The following OPA1 variants were observed in gnomAD, a reference collection of about 807,000 sequenced individuals.
OPA1 encodes the protein dynamin-like GTPase OPA1, mitochondrial.
In OPA1, 59 loss-of-function variants were observed where a neutral mutation model predicts 152.9. That is an observed-to-expected ratio of 0.39 (90% CI 0.31 to 0.48). The LOEUF is 0.48. Ranked by LOEUF, OPA1 falls within the 20% of genes least tolerant of loss-of-function variation. The pLI, the probability that OPA1 is intolerant of heterozygous loss-of-function variation, is 0.96. For synonymous variants in OPA1, 400 were observed against 389.9 expected, an observed-to-expected ratio of 1.03 and a Z score of -0.31; for missense variants, 1,008 against 1,216.8, an observed-to-expected ratio of 0.83 and a Z score of 2.55.
chr3:193,638,805 G>A (rs745342824), intron 11 of OPA1, among the ~76,000 whole-genome samples: 7 of 152,178 alleles, frequency 4.6e-5, no homozygotes, highest in African/African-American at 7.2e-5. Context: ...ACTAAAAACA[G>A]AATGCTTGAA....
At chr3:193,627,911 C>T (rs1731420460) in intron 7 of OPA1, among the ~76,000 whole-genome samples, 1 of 152,162 alleles carries the variant, frequency 6.6e-6, no homozygotes, top group Non-Finnish European at 1.5e-5. Flanking sequence ...GAGCACCAAA[C>T]ATGGCTTGTT....
intron 1 of OPA1, among the ~76,000 whole-genome samples, chr3:193,605,099 C>T (rs1167938278): frequency 6.6e-6 from 1 of 152,062 alleles, no homozygotes; most frequent in Non-Finnish European, 1.5e-5. Context: ...CTTCAGTAAA[C>T]CCTTGTGGCA....
At chr3:193,686,436 A>G (rs925178023) in intron 29 of OPA1, among the ~76,000 whole-genome samples, 1 of 152,194 alleles carries the variant, frequency 6.6e-6, no homozygotes, top group African/African-American at 2.4e-5. Flanking sequence ...CAAGGAAAAA[A>G]TCTACAGAAC....
Position 193,648,934 on chromosome 3 carries a change from T to G in OPA1, c.2012+63T>G, listed in dbSNP as rs1233030753. ...TACTGTACAGGTTATAATGAAATGCTAAAACTTAGATTGATAAAGCAGTGA... is the reference window on the plus strand; with the variant it reads ...TACTGTACAGGTTATAATGAAATGCGAAAACTTAGATTGATAAAGCAGTGA... On this transcript the variant is annotated intron_variant, in intron 21 of 30. Coordinates refer to ENST00000361510, the MANE Select transcript of OPA1 (RefSeq NM_130837.3). 3.4e-5 allele frequency: 38 copies of G among 1,107,942 alleles called. No homozygotes were observed. The East Asian group carries it at 6.4e-4, about 19-fold the overall frequency. The allele number at this position is 1,107,942 out of a possible 1,614,324, so 68.6% of individuals were successfully genotyped here.
intron 11 of OPA1, among the ~76,000 whole-genome samples, chr3:193,641,378 T>TAAG (rs1225055558): frequency 4.0e-4 from 61 of 152,188 alleles, no homozygotes; most frequent in Non-Finnish European, 3.2e-4. Context: ...CTTAGCATTT[T>TAAG]AACCTCCTTA....
chr3:193,622,963 A>G (rs1730423228), intron 6 of OPA1, among the ~76,000 whole-genome samples: 2 of 152,350 alleles, frequency 1.3e-5, no homozygotes, highest in Admixed American at 1.3e-4. Flanking sequence ...GAGGAGAACA[A>G]GGCTGTAAAA....
At chr3:193,606,218 A>G (rs188381568) in intron 1 of OPA1, among the ~76,000 whole-genome samples, 122 of 152,106 alleles carry the variant, frequency 8.0e-4, no homozygotes, top group African/African-American at 2.9e-3. Context: ...TCTTGATTTG[A>G]TTTTTTTAAT....
In OPA1 at chr3:193,662,823, G is replaced by A; in HGVS notation, c.2522G>A (p.Cys841Tyr). Residue 841 changes from cysteine to tyrosine, a missense_variant and splice_region_variant, in exon 26 of 31, where the codon TGT (cysteine) becomes TAT (tyrosine). Around this residue, in one of 7 missense-constraint regions of OPA1, gnomAD observed 229 missense variants for 269.0 expected, o/e 0.85. Transcript: ENST00000361510. ...AGTCCTTTTTTAAACATTTTAAAGT[G>A]TGTTCACAATGAAACCAAGAATGAA... Reference protein sequence around the residue: ...LYWKNRTQEQCVHNETKNELE... With the variant: ...LYWKNRTQEQYVHNETKNELE... The A allele has an allele frequency of 6.2e-7, 1 of 1,612,790 alleles. No homozygotes were observed. The highest frequency in any genetic ancestry group is 8.5e-7 in the Non-Finnish European group (1 of 1,179,050).
intron 20 of OPA1, 102 bp downstream of exon 20, chr3:193,648,236 G>C (rs1213558488): frequency 1.2e-6 from 1 of 846,716 alleles, no homozygotes; most frequent in African/African-American, 1.7e-5. Flanking sequence ...AAAGTACTTT[G>C]GTTTTGACTA....
chr3:193,660,503 T>C (rs188612337), intron 25 of OPA1, among the ~76,000 whole-genome samples: 3 of 152,330 alleles, frequency 2.0e-5, no homozygotes, highest in African/African-American at 7.2e-5. Flanking sequence ...GGAATAAAAA[T>C]TGACCAAATG....
At chr3:193,660,930 C>T (rs989684660) in intron 25 of OPA1, among the ~76,000 whole-genome samples, 1 of 152,288 alleles carries the variant, frequency 6.6e-6, no homozygotes, top group African/African-American at 2.4e-5. Flanking sequence ...GAAAGAGCTG[C>T]TGTAAGGGAG....
At chr3:193,688,093 T>C (rs1463710812) in intron 29 of OPA1, among the ~76,000 whole-genome samples, 3 of 152,196 alleles carry the variant, frequency 2.0e-5, no homozygotes, top group Admixed American at 2.0e-4. Flanking sequence ...TTCCTCCCTC[T>C]TGATCACTAG....
At chr3:193,627,312 C>T (rs1006601411) in intron 7 of OPA1, 5 of 152,092 alleles carry the variant, frequency 3.3e-5, no homozygotes, top group Admixed American at 6.5e-5. Context: ...GTATATTTAG[C>T]TTCGGTGAGC....
At position 193,642,814 on chromosome 3, in the gene OPA1, C is replaced by G; in HGVS notation, c.1199C>G (p.Ser400Cys). ...PHHVALFKDS[S>C]REFDLTKEED... is the part of the protein sequence containing the mutation. Reference sequence around the variant, plus strand: ...CATGTGGCCCTATTTAAAGATAGTTCTCGGGAGTTTGATCTTACCAAAGAA... The same window carrying G: ...CATGTGGCCCTATTTAAAGATAGTTGTCGGGAGTTTGATCTTACCAAAGAA... Residue 400 changes from serine to cysteine, a missense_variant, in exon 12 of 31, where the codon TCT becomes TGT. Transcript: ENST00000361510. 1 of 1,613,544 alleles carries G rather than the reference C, an allele frequency of 6.2e-7. No homozygotes were observed. The highest frequency in any genetic ancestry group is 8.5e-7 in the Non-Finnish European group (1 of 1,179,624).
At chr3:193,643,501 A>G in intron 14 of OPA1, 27 bp from the exon 15 acceptor site, 1 of 1,608,866 alleles carries the variant, frequency 6.2e-7, no homozygotes, top group Non-Finnish European at 8.5e-7. Context: ...AGCATTTATA[A>G]TGACATTTAA....
At chr3:193,655,942 C>A (rs1231106563) in intron 22 of OPA1, among the ~76,000 whole-genome samples, 1 of 152,128 alleles carries the variant, frequency 6.6e-6, no homozygotes, top group Non-Finnish European at 1.5e-5. Context: ...TGATTTCACC[C>A]CTTTCCTATC....
chr3:193,613,052 C>T (rs1728499127), intron 1 of OPA1, among the ~76,000 whole-genome samples: 4 of 152,156 alleles, frequency 2.6e-5, no homozygotes, highest in African/African-American at 7.2e-5. Context: ...ACTTCTGACA[C>T]CAGATCTGTT....
At chr3:193,654,793 TTCAG>T in intron 21 of OPA1, 65 bp from the exon 22 acceptor site, 2 of 1,481,426 alleles carry the variant, frequency 1.4e-6, no homozygotes, top group South Asian at 2.4e-5. Context: ...TTAATGATAC[TTCAG>T]TCAAGCTGTT....
intron 21 of OPA1, among the ~76,000 whole-genome samples, chr3:193,649,860 ATGTT>A (rs1711958607): frequency 6.6e-6 from 1 of 152,126 alleles, no homozygotes; most frequent in African/African-American, 2.4e-5. Flanking sequence ...GACACAACTT[ATGTT>A]TGTTTATTTG....
Sources: allele counts gnomAD v4.1 joint callset (sites outside exome capture counted in the v4.1 genomes callset), GRCh38; gene constraint gnomAD v4.1.1; regional missense constraint gnomAD v4.1.1; transcripts MANE v1.5; gene names NCBI Gene and HGNC (gene_info 2026-07-23, HGNC 2026-07-21).